The following CACNA1I variants were observed in gnomAD, a reference collection of about 807,000 sequenced individuals.
CACNA1I encodes calcium voltage-gated channel subunit alpha1 I.
A neutral mutation model predicts 201.6 loss-of-function variants in CACNA1I; 74 were observed. That is an observed-to-expected ratio of 0.37 (90% CI 0.30 to 0.45). The LOEUF is 0.45. Ranked by LOEUF, CACNA1I falls within the 20% of genes least tolerant of loss-of-function variation. The pLI is 1.00. For synonymous variants in CACNA1I, 1,431 were observed against 1,345.2 expected (o/e 1.06, Z -1.40); for missense variants, 2,346 against 3,138.1 (o/e 0.75, Z 6.03).
At chr22:39,646,476 C>G in intron 7 of CACNA1I, 93 bp from the exon 8 acceptor site, 1 of 1,460,680 alleles carries the variant, frequency 6.8e-7, no homozygotes, top group Non-Finnish European at 9.1e-7. Flanking sequence ...CCCATGTCTC[C>G]CTGCTGTCCC....
chr22:39,684,323 C>T lies in CACNA1I; in HGVS notation c.5852C>T (p.Pro1951Leu), dbSNP rs762123266. ...GCAGCACCCCCAAGTCCCTTCTCCC[C>T]GGATGCCTCCAGCCCTCTCCTGCCC... Reference protein sequence around the residue: ...SSQAPPSPFSPDASSPLLPMP... With the variant: ...SSQAPPSPFSLDASSPLLPMP... Residue 1951 changes from proline to leucine, a missense_variant, in exon 36 of 37, where the codon CCG becomes CTG. Pro to Leu is a moderately conservative substitution (Grantham distance 98). Around this residue, in one of 13 missense-constraint regions of CACNA1I, gnomAD observed 441 missense variants for 555.6 expected, o/e 0.79. Coordinates refer to ENST00000402142, the MANE Select transcript of CACNA1I (RefSeq NM_021096.4). The surrounding 1 kb of genome is among the most constrained non-coding windows in gnomAD (Gnocchi z 4.6). 1.2e-5 allele frequency: 20 copies of T among 1,613,350 alleles called. No individual in the cohort carries two copies. The highest frequency in any genetic ancestry group is 5.3e-5 in the African/African-American group (4 of 74,916).
chr22:39,678,985 G>T, intron 31 of CACNA1I, 122 bp from the exon 32 acceptor site: 1 of 724,756 alleles, frequency 1.4e-6, no homozygotes. Flanking sequence ...GGCAGCCCGG[G>T]GCCATCTCGG....
intron 26 of CACNA1I, among the ~76,000 whole-genome samples, chr22:39,671,589 T>C (rs1935380687): frequency 6.6e-6 from 1 of 152,106 alleles, no homozygotes; most frequent in South Asian, 2.1e-4. Context: ...AGCAAGTGCA[T>C]TCTAAAAACC....
At chr22:39,577,976 C>G (rs1297404954) in intron 1 of CACNA1I, among the ~76,000 whole-genome samples, 1 of 152,218 alleles carries the variant, frequency 6.6e-6, no homozygotes, top group Non-Finnish European at 1.5e-5. Flanking sequence ...AATGAGAATT[C>G]TGGGGCAAGC....
At chr22:39,664,268 T>A in intron 20 of CACNA1I, 109 bp downstream of exon 20, 1 of 919,186 alleles carries the variant, frequency 1.1e-6, no homozygotes, top group Non-Finnish European at 1.7e-6. Flanking sequence ...TTCATTTCAC[T>A]CGTAGCCCCA....
chr22:39,647,714 A>T, intron 8 of CACNA1I, 108 bp from the exon 9 acceptor site: 1 of 790,606 alleles, frequency 1.3e-6, no homozygotes, highest in Non-Finnish European at 2.2e-6. Flanking sequence ...GCCCCTGGCC[A>T]AGTTTATGCT....
Position 39,663,825 on chromosome 22 carries a change from T to G in CACNA1I, c.3581T>G (p.Ile1194Ser). 1 of 1,613,566 alleles carries G rather than the reference T, an allele frequency of 6.2e-7. No homozygotes were observed. The highest frequency in any genetic ancestry group is 8.5e-7 in the Non-Finnish European group (1 of 1,179,760). Residue 1194 changes from isoleucine (I) to serine (S), a missense_variant, in exon 19 of 37, where the codon ATC (isoleucine) becomes AGC (serine). Ile to Ser is a moderately radical substitution (Grantham distance 142). Transcript: ENST00000402142. ...ACCATCGCCCTGGAGCGGCCTCAGA[T>G]CGAGGCCGGCAGCACCGTGAGTGGC... ...CITIALERPQ[I>S]EAGSTERIFL...
Position 39,664,097 on chromosome 22 carries a change from A to G in CACNA1I, c.3604A>G (p.Ile1202Val). 1 of 1,613,630 alleles carries G rather than the reference A, an allele frequency of 6.2e-7. No individual in the cohort carries two copies. Among genetic ancestry groups the G allele is most frequent in the Non-Finnish European group, 8.5e-7 (1 of 1,179,708 alleles). The change falls in exon 20 of 37, where the codon ATC (isoleucine) becomes GTC (valine). Residue 1202 changes from isoleucine to valine, a missense_variant. This residue lies in a region of CACNA1I where 158 missense variants were observed against 231.6 expected (regional missense o/e 0.68). Transcript: ENST00000402142. ...PQIEAGSTER[I>V]FLTVSNYIFT... ...TATCTCCCGATGCTTTCAGGAACGC[A>G]TCTTTCTCACCGTGTCCAACTACAT...
At chr22:39,651,760 T>C (rs1487471879) in intron 10 of CACNA1I, among the ~76,000 whole-genome samples, 2 of 152,276 alleles carry the variant, frequency 1.3e-5, no homozygotes, top group East Asian at 3.9e-4. Context: ...TGCAAGCCAG[T>C]GATGAAAGAG....
At chr22:39,580,667 G>A (rs1358516908) in intron 1 of CACNA1I, among the ~76,000 whole-genome samples, 1 of 152,190 alleles carries the variant, frequency 6.6e-6, no homozygotes. Flanking sequence ...CTGGATGGCA[G>A]GGTGTCAAAT....
At chr22:39,624,204 G>T (rs140352722) in intron 4 of CACNA1I, among the ~76,000 whole-genome samples, 26 of 152,142 alleles carry the variant, frequency 1.7e-4, no homozygotes, top group African/African-American at 6.0e-4. Context: ...CGCCTTGCAC[G>T]TGTGTGTGGG....
intron 15 of CACNA1I, among the ~76,000 whole-genome samples, chr22:39,660,851 T>G (rs932198669): frequency 6.6e-6 from 1 of 151,872 alleles, no homozygotes; most frequent in African/African-American, 2.4e-5. Flanking sequence ...GGCATGGGAG[T>G]GAGGTGTCAG....
intron 5 of CACNA1I, among the ~76,000 whole-genome samples, chr22:39,636,900 G>A (rs913228945): frequency 1.3e-5 from 2 of 152,230 alleles, no homozygotes; most frequent in South Asian, 4.1e-4. Context: ...CCTTCCTGGG[G>A]CGTAACACGC....
chr22:39,618,373 CTG>C (rs553487009), intron 3 of CACNA1I, among the ~76,000 whole-genome samples: 6 of 140,082 alleles, frequency 4.3e-5, no homozygotes, highest in South Asian at 4.7e-4. Flanking sequence ...GCGTGTGTGA[CTG>C]TGTGCATGGG....
At chr22:39,651,393 A>G (rs1934644951) in intron 10 of CACNA1I, among the ~76,000 whole-genome samples, 1 of 152,214 alleles carries the variant, frequency 6.6e-6, no homozygotes, top group Non-Finnish European at 1.5e-5. Flanking sequence ...CGGGGCTGCC[A>G]TGACACTCTG....
rs983259759 is a variant in CACNA1I, at chr22:39,628,636, C to T, written c.581-5929C>T. ...GCCCCTCCCTGGCTGGGCCTTGGGC[C>T]GGCAGCTGTGACCCCGGCAAGCTGG... On this transcript the variant is annotated intron_variant, in intron 4 of 36. Coordinates refer to ENST00000402142, the MANE Select transcript of CACNA1I (RefSeq NM_021096.4). 4.6e-5 allele frequency among the ~76,000 whole-genome samples: 7 copies of T among 152,226 alleles called. No individual in the cohort carries two copies. In the South Asian group the frequency reaches 8.3e-4, roughly 18 times the overall value.
chr22:39,674,981 G>A (rs1935478015), intron 29 of CACNA1I, among the ~76,000 whole-genome samples: 1 of 152,232 alleles, frequency 6.6e-6, no homozygotes, highest in Non-Finnish European at 1.5e-5. Context: ...TGGATGGAAA[G>A]CAAGGGCATT....
Position 39,665,573 on chromosome 22 carries a change from C to G in CACNA1I, c.3927C>G (p.Ile1309Met). 6.2e-7 allele frequency: 1 copy of G among 1,613,908 alleles called. No homozygotes were observed. The highest frequency in any genetic ancestry group is 8.5e-7 in the Non-Finnish European group (1 of 1,179,810). ...CCTCCCTCAAGCCCATCGGCAACAT[C>G]GTGCTCATCTGCTGTGCCTTCTTCA... ...LISSLKPIGN[I>M]VLICCAFFII... Residue 1309 changes from isoleucine to methionine, a missense_variant, in exon 22 of 37, where the codon ATC becomes ATG. Ile to Met is a conservative substitution (Grantham distance 10). Around this residue, in one of 13 missense-constraint regions of CACNA1I, gnomAD observed 14 missense variants for 53.7 expected, o/e 0.26. Coordinates refer to ENST00000402142, the MANE Select transcript of CACNA1I (RefSeq NM_021096.4). This position sits in a 1 kb window ranked among gnomAD's most constrained non-coding sequence, Gnocchi z 5.5.
intron 10 of CACNA1I, among the ~76,000 whole-genome samples, chr22:39,654,761 G>A (rs1185707291): frequency 1.3e-5 from 2 of 152,146 alleles, no homozygotes; most frequent in African/African-American, 2.4e-5. Context: ...GTTCATCAGC[G>A]AGACAGAGGG....
Sources: gnomAD v4.1 joint callset for allele counts (sites outside exome capture counted in the v4.1 genomes callset) on GRCh38, gnomAD v4.1.1 for gene constraint, gnomAD v4.1.1 regional missense constraint, Gnocchi (gnomAD v3.1) non-coding constraint, MANE v1.5 for transcripts, NCBI Gene and HGNC (gene_info 2026-07-23, HGNC 2026-07-21) for gene names.